Variants in PTPN4 observed in about 807,000 individuals in gnomAD.
The protein encoded by PTPN4 is protein tyrosine phosphatase non-receptor type 4, also known as tyrosine-protein phosphatase non-receptor type 4.
PTPN4 carries 49 observed loss-of-function variants against 135.5 expected under a neutral mutation model. The ratio of observed to expected loss-of-function variants is 0.36; its 90% CI spans 0.29 to 0.46. PTPN4 has a LOEUF of 0.46. Among genes scored for constraint, PTPN4 ranks in the 20% least tolerant of loss-of-function variants. The pLI is 1.00. For synonymous variants in PTPN4, 333 were observed against 369.9 expected (o/e 0.90, Z 1.14); for missense variants, 860 against 1,101.0 (o/e 0.78, Z 3.10).
At chr2:119,763,962 T>G (rs1690558903) in intron 1 of PTPN4, among the ~76,000 whole-genome samples, 1 of 152,202 alleles carries the variant, frequency 6.6e-6, no homozygotes, top group Non-Finnish European at 1.5e-5. Context: ...CAGTCTAATC[T>G]GGTGTGAAAA....
At chr2:119,788,900 G>A (rs1259219953) in intron 1 of PTPN4, among the ~76,000 whole-genome samples, 1 of 152,014 alleles carries the variant, frequency 6.6e-6, no homozygotes, top group Non-Finnish European at 1.5e-5. Flanking sequence ...ATATCTCTTT[G>A]GGACCCAGCT....
chr2:119,964,764 G>A (rs1297573720), intron 24 of PTPN4, among the ~76,000 whole-genome samples: 1 of 152,018 alleles, frequency 6.6e-6, no homozygotes, highest in Non-Finnish European at 1.5e-5. Context: ...TTGAAATTTT[G>A]CATTTTAATG....
chr2:119,918,862 A>ACT (rs1323210508), intron 11 of PTPN4, among the ~76,000 whole-genome samples: 1 of 152,236 alleles, frequency 6.6e-6, no homozygotes, highest in Non-Finnish European at 1.5e-5. Flanking sequence ...GGATAAGTTA[A>ACT]CTGTTAAATT....
intron 2 of PTPN4, among the ~76,000 whole-genome samples, chr2:119,843,247 C>A (rs1677409784): frequency 7.3e-6 from 1 of 136,688 alleles, no homozygotes; most frequent in African/African-American, 2.8e-5. Context: ...TTGCACCGCC[C>A]TTAATCCATT....
chr2:119,764,696 T>C (rs1690574822), intron 1 of PTPN4, among the ~76,000 whole-genome samples: 2 of 152,058 alleles, frequency 1.3e-5, no homozygotes, highest in South Asian at 4.1e-4. Flanking sequence ...TTTTCTTAGG[T>C]TAAAAAAATT....
chr2:119,923,496 A>G (rs908021210), intron 12 of PTPN4, among the ~76,000 whole-genome samples: 2 of 152,212 alleles, frequency 1.3e-5, no homozygotes, highest in South Asian at 4.1e-4. Flanking sequence ...ATTAAACATG[A>G]TCACATTGCC....
chr2:119,914,248 ATTTTTTTTTTTT>A (rs55911315), intron 10 of PTPN4, among the ~76,000 whole-genome samples: 2,997 of 97,436 alleles, frequency 0.031, 60 homozygotes, highest in Non-Finnish European at 0.039. Flanking sequence ...TAGTTACTCA[ATTTTTTTTTTTT>A]TTTTTTTTTT....
intron 10 of PTPN4, among the ~76,000 whole-genome samples, chr2:119,907,735 G>A (rs1574399132): frequency 6.6e-6 from 1 of 152,118 alleles, no homozygotes. Flanking sequence ...CAACAGCATG[G>A]TACTGGTATT....
chr2:119,779,139 A>G (rs1690892255), intron 1 of PTPN4, among the ~76,000 whole-genome samples: 1 of 152,216 alleles, frequency 6.6e-6, no homozygotes, highest in Non-Finnish European at 1.5e-5. Context: ...TTCTGTTGCC[A>G]AGTTCAGTTC....
chr2:119,821,117 A>G (rs1033552361), intron 2 of PTPN4, among the ~76,000 whole-genome samples: 1 of 136,526 alleles, frequency 7.3e-6, no homozygotes, highest in East Asian at 2.1e-4. Flanking sequence ...TTTTTTTGAG[A>G]CAAAGTATCA....
intron 25 of PTPN4, 67 bp downstream of exon 25, chr2:119,965,712 A>C: frequency 6.6e-7 from 1 of 1,516,236 alleles, no homozygotes; most frequent in Non-Finnish European, 8.9e-7. Flanking sequence ...AAGAGAGTAC[A>C]TATTTTGTCC....
chr2:119,879,030 T>C (rs1360599483), intron 5 of PTPN4, among the ~76,000 whole-genome samples: 1 of 145,174 alleles, frequency 6.9e-6, no homozygotes, highest in Non-Finnish European at 1.5e-5. Context: ...GAGGCAGAGC[T>C]GGCAGTGAGC....
intron 20 of PTPN4, among the ~76,000 whole-genome samples, chr2:119,956,292 T>C (rs1333731713): frequency 7.3e-6 from 1 of 137,840 alleles, no homozygotes; most frequent in Non-Finnish European, 1.5e-5. Flanking sequence ...TTGCCTAGGC[T>C]GATCTCAAAT....
At chr2:119,851,324 A>C (rs1422605574) in intron 2 of PTPN4, among the ~76,000 whole-genome samples, 1 of 152,226 alleles carries the variant, frequency 6.6e-6, no homozygotes, top group Non-Finnish European at 1.5e-5. Flanking sequence ...GTAGAAAAAG[A>C]GACTGAGGCA....
At chr2:119,796,760 C>T (rs1179926925) in intron 1 of PTPN4, among the ~76,000 whole-genome samples, 2 of 152,038 alleles carry the variant, frequency 1.3e-5, no homozygotes, top group African/African-American at 2.4e-5. Flanking sequence ...AGTGCCAAAC[C>T]GTTTTCCAGC....
At chr2:119,794,789 A>G (rs1691221679) in intron 1 of PTPN4, among the ~76,000 whole-genome samples, 1 of 152,214 alleles carries the variant, frequency 6.6e-6, no homozygotes. Flanking sequence ...TAAGCCTGCC[A>G]TTCAGCGGGT....
At chr2:119,955,536 G>A (rs1222180493) in intron 20 of PTPN4, among the ~76,000 whole-genome samples, 1 of 152,130 alleles carries the variant, frequency 6.6e-6, no homozygotes, top group Non-Finnish European at 1.5e-5. Flanking sequence ...TTTAAAAAGA[G>A]GGATAAGGAA....
At position 119,832,109 on chromosome 2, in the gene PTPN4, A is replaced by C. The variant is rs145559182; in HGVS notation, c.138+22118A>C. ...GTATATCCATCCTGAATAGACCTTA[A>C]TATCACTTTTGATTCCCATGTATAT... On this transcript the variant is annotated intron_variant, in intron 2 of 26. Coordinates refer to ENST00000263708, the MANE Select transcript of PTPN4 (RefSeq NM_002830.4). Among the ~76,000 whole-genome samples the C allele has an allele frequency of 4.9e-3, 745 of 152,294 alleles. 11 individuals carry two copies. The highest frequency in any genetic ancestry group is 0.017 in the African/African-American group (716 of 41,568).
At chr2:119,871,910 A>G (rs931614350) in intron 3 of PTPN4, among the ~76,000 whole-genome samples, 2 of 152,192 alleles carry the variant, frequency 1.3e-5, no homozygotes, top group African/African-American at 2.4e-5. Flanking sequence ...ATATCTGAAG[A>G]AAGTCCCTTT....
Sources: gnomAD v4.1 joint callset for allele counts (sites outside exome capture counted in the v4.1 genomes callset) on GRCh38, gnomAD v4.1.1 for gene constraint, MANE v1.5 for transcripts, NCBI Gene and HGNC (gene_info 2026-07-23, HGNC 2026-07-21) for gene names.